Variants in TBC1D15 observed in about 807,000 individuals in gnomAD.
The protein encoded by TBC1D15 is GAP for RAB7.
Under a neutral mutation model 95.4 loss-of-function variants are expected in TBC1D15, and 39 were observed. The ratio of observed to expected loss-of-function variants is 0.41; its 90% confidence interval spans 0.32 to 0.53. The LOEUF (loss-of-function observed/expected upper bound fraction) is 0.53, where lower values mean the gene tolerates loss of function less well. Ranked by LOEUF, TBC1D15 falls within the 20% of genes least tolerant of loss-of-function variation. The probability of loss-of-function intolerance (pLI) is 0.29; values close to 1 mark genes in which losing one functional copy is unlikely to be tolerated. For missense variants in TBC1D15, 733 were observed against 794.3 expected (o/e 0.92, Z 0.93); for synonymous variants, 258 against 261.3 (o/e 0.99, Z 0.12).
intron 1 of TBC1D15, chr12:71,849,468 A>G (rs916208407): frequency 5.4e-6 from 5 of 924,952 alleles, no homozygotes; most frequent in Non-Finnish European, 9.0e-6. Flanking sequence ...TTCCAAACTC[A>G]TTCCAAAAGC....
intron 1 of TBC1D15, among the ~76,000 whole-genome samples, chr12:71,871,195 T>TA (rs776951654): frequency 9.8e-5 from 15 of 152,350 alleles, no homozygotes; most frequent in Non-Finnish European, 1.9e-4. Flanking sequence ...GTCTCCCCTA[T>TA]ATTCCCATAG....
chr12:71,874,270 C>T (rs60942457), intron 3 of TBC1D15, among the ~76,000 whole-genome samples: 4,172 of 152,152 alleles, frequency 0.027, 191 homozygotes, highest in African/African-American at 0.094. Context: ...TGGGAGGGGG[C>T]GGCACAATTC....
intron 1 of TBC1D15, among the ~76,000 whole-genome samples, chr12:71,842,830 C>CAA (rs58842371): frequency 4.1e-4 from 35 of 84,842 alleles, no homozygotes; most frequent in Non-Finnish European, 4.8e-4. Context: ...GACCCTGTCT[C>CAA]AAAAAAAAAA....
intron 3 of TBC1D15, among the ~76,000 whole-genome samples, chr12:71,877,415 C>T (rs923743926): frequency 6.7e-6 from 1 of 149,002 alleles, no homozygotes; most frequent in African/African-American, 2.5e-5. Flanking sequence ...TGATTTCTTC[C>T]CCATTTTCTG....
intron 10 of TBC1D15, among the ~76,000 whole-genome samples, chr12:71,903,086 AT>A (rs548528929): frequency 2.6e-5 from 4 of 151,256 alleles, no homozygotes; most frequent in Non-Finnish European, 5.9e-5. Flanking sequence ...TAATTTTAGA[AT>A]TTTTTTTTAG....
At chr12:71,864,496 T>TTTG (rs1891063520) in intron 1 of TBC1D15, among the ~76,000 whole-genome samples, 1 of 151,806 alleles carries the variant, frequency 6.6e-6, no homozygotes, top group Non-Finnish European at 1.5e-5. Flanking sequence ...TGTTTTTTTT[T>TTTG]TTTGTTTGTT....
intron 12 of TBC1D15, 104 bp downstream of exon 12, chr12:71,914,030 TAAAA>T (rs1903082239): frequency 2.5e-6 from 2 of 786,010 alleles, no homozygotes; most frequent in Non-Finnish European, 3.9e-6. Flanking sequence ...TGATGGAACT[TAAAA>T]AAATTACCTC....
chr12:71,917,136 TTC>T (rs1252087316), intron 12 of TBC1D15, among the ~76,000 whole-genome samples: 1 of 152,158 alleles, frequency 6.6e-6, no homozygotes, highest in Non-Finnish European at 1.5e-5. Flanking sequence ...TCATATTTGC[TTC>T]TGTGTTCAGT....
rs1193748629 is a variant in TBC1D15, at chr12:71,909,772, G to A, written c.1300+2634G>A. Among the ~76,000 whole-genome samples the A allele has an allele frequency of 5.9e-5, 9 of 152,216 alleles. No homozygotes were observed. In the East Asian group the frequency reaches 1.5e-3, roughly 26 times the overall value. On this transcript the variant is annotated intron_variant, in intron 11 of 16. Transcript: ENST00000485960. The stretch of plus-strand genomic sequence containing the variant: ...ACACTGAAACAAATTTGCTATGGAA[G>A]TAATTTTAGGGAAGTACTTTAGAAA...
intron 1 of TBC1D15, among the ~76,000 whole-genome samples, chr12:71,842,374 G>A (rs1565928482): frequency 1.3e-5 from 2 of 152,176 alleles, no homozygotes; most frequent in South Asian, 2.1e-4. Context: ...TATGATAACA[G>A]TACCTACTTT....
intron 12 of TBC1D15, among the ~76,000 whole-genome samples, chr12:71,917,097 G>A (rs1220278098): frequency 2.0e-5 from 3 of 151,878 alleles, no homozygotes; most frequent in Non-Finnish European, 4.4e-5. Context: ...TTTTAAAAAT[G>A]TCTGGTTTAA....
At chr12:71,895,209 C>T (rs1897930441) in intron 7 of TBC1D15, among the ~76,000 whole-genome samples, 1 of 152,026 alleles carries the variant, frequency 6.6e-6, no homozygotes, top group South Asian at 2.1e-4. Context: ...CATGTTTTCT[C>T]ATAGGCATCA....
At chr12:71,886,461 C>T (rs762483070) in intron 5 of TBC1D15, among the ~76,000 whole-genome samples, 29 of 152,218 alleles carry the variant, frequency 1.9e-4, no homozygotes, top group Non-Finnish European at 2.6e-4. Context: ...TGAGCCACTG[C>T]GCCTGGCTGC....
chr12:71,849,261 C>A, intron 1 of TBC1D15: 1 of 667,104 alleles, frequency 1.5e-6, no homozygotes, highest in South Asian at 1.8e-5. Flanking sequence ...CCAAGTGCAT[C>A]AGGTCTGAGA....
In TBC1D15 at chr12:71,895,957, GGGAACGC is replaced by G; in HGVS notation, c.867_873del (p.Glu290LeufsTer25). ...TAATCTTATTTTTAGATTGATTTGG[GGGAACGC>G]CCTGTTGTTCAAAGGAGAGAACCGG... On this transcript the variant is annotated frameshift_variant, in exon 8 of 17. Transcript: ENST00000485960. LOFTEE classifies it high-confidence loss of function. 1 of 1,611,462 alleles carries G rather than the reference GGGAACGC, an allele frequency of 6.2e-7. No individual in the cohort carries two copies. The highest frequency in any genetic ancestry group is 8.5e-7 in the Non-Finnish European group (1 of 1,178,388).
At chr12:71,854,191 G>C (rs1888490938) in intron 1 of TBC1D15, among the ~76,000 whole-genome samples, 1 of 152,152 alleles carries the variant, frequency 6.6e-6, no homozygotes, top group South Asian at 2.1e-4. Context: ...TCTCTCAATA[G>C]TCACTATCCT....
At chr12:71,921,265 A>AT (rs1869214299) in intron 15 of TBC1D15, 103 bp from the exon 16 acceptor site, 1 of 509,476 alleles carries the variant, frequency 2.0e-6, no homozygotes, top group South Asian at 6.4e-5. Context: ...TATTTTAAGG[A>AT]TTTTATCTGC....
At chr12:71,896,308 C>T in intron 8 of TBC1D15, 1 of 428,808 alleles carries the variant, frequency 2.3e-6, no homozygotes, top group Non-Finnish European at 4.1e-6. Context: ...TTGGGTAGAC[C>T]CTTAACTCTG....
Position 71,894,810 on chromosome 12 carries a change from A to AT in TBC1D15, c.786dup (p.Leu263SerfsTer2), listed in dbSNP as rs1251280227. 6.2e-7 allele frequency: 1 copy of AT among 1,613,300 alleles called. No homozygotes were observed. Among genetic ancestry groups the AT allele is most frequent in the Non-Finnish European group, 8.5e-7 (1 of 1,179,386 alleles). ...CAACGACCACCTTCAGAAATGGCAG[A>AT]TTTTCTTAGTGATGCTATTCCAGGT... On this transcript the variant is annotated frameshift_variant, in exon 7 of 17. Transcript: ENST00000485960. LOFTEE classifies it high-confidence loss of function.
Sources: allele counts gnomAD v4.1 joint callset (sites outside exome capture counted in the v4.1 genomes callset), GRCh38; gene constraint gnomAD v4.1.1; transcripts MANE v1.5; gene names NCBI Gene and HGNC (gene_info 2026-07-23, HGNC 2026-07-21).